The following MTUS2 variants were observed in gnomAD, a reference collection of about 807,000 sequenced individuals.
MTUS2 encodes microtubule-associated tumor suppressor candidate 2.
In MTUS2, 40 loss-of-function variants were observed where a neutral mutation model predicts 114.1. That is an observed-to-expected ratio of 0.35 (90% confidence interval 0.27 to 0.46). The LOEUF is 0.46. Ranked by LOEUF, MTUS2 falls within the 20% of genes least tolerant of loss-of-function variation. The pLI, the probability that MTUS2 is intolerant of heterozygous loss-of-function variation, is 1.00. For synonymous variants in MTUS2, 688 were observed against 672.0 expected (o/e 1.02, Z -0.37); for missense variants, 1,679 against 1,705.4 (o/e 0.98, Z 0.27).
At chr13:29,162,633 A>G (rs1166601471) in intron 5 of MTUS2, among the ~76,000 whole-genome samples, 3 of 152,242 alleles carry the variant, frequency 2.0e-5, no homozygotes, top group Non-Finnish European at 2.9e-5. Context: ...TGGAATAAAC[A>G]TCATGTCCTC....
chr13:29,216,986 A>C (rs1482426461), intron 5 of MTUS2, among the ~76,000 whole-genome samples: 3 of 152,204 alleles, frequency 2.0e-5, no homozygotes, highest in Non-Finnish European at 4.4e-5. Flanking sequence ...TTTTAAACAG[A>C]AGTACTACAA....
At chr13:28,875,331 A>T (rs1297459167) in intron 2 of MTUS2, among the ~76,000 whole-genome samples, 1 of 152,228 alleles carries the variant, frequency 6.6e-6, no homozygotes, top group African/African-American at 2.4e-5. Context: ...TACATAATGG[A>T]TGCTCAGTAA....
At chr13:29,351,973 T>C (rs753637784) in intron 7 of MTUS2, among the ~76,000 whole-genome samples, 3 of 152,174 alleles carry the variant, frequency 2.0e-5, no homozygotes, top group Non-Finnish European at 4.4e-5. Flanking sequence ...TTTTACATTA[T>C]TGATTACTCC....
chr13:29,075,997 C>T (rs931225220), intron 4 of MTUS2, among the ~76,000 whole-genome samples: 1 of 152,158 alleles, frequency 6.6e-6, no homozygotes, highest in African/African-American at 2.4e-5. Flanking sequence ...AAAACTCTAC[C>T]TGGAAATCTG....
intron 8 of MTUS2, among the ~76,000 whole-genome samples, chr13:29,383,252 G>GTATATATAAATATATTTATTTATTTATT (rs1555271591): frequency 7.4e-6 from 1 of 135,916 alleles, no homozygotes; most frequent in Admixed American, 7.4e-5. Flanking sequence ...GTGTGTGTGT[G>GTATATATAAATATATTTATTTATTTATT]TATTTATTTT....
intron 7 of MTUS2, among the ~76,000 whole-genome samples, chr13:29,328,312 A>G (rs1396282317): frequency 6.6e-6 from 1 of 152,272 alleles, no homozygotes; most frequent in East Asian, 1.9e-4. Context: ...AAGTCCTGAT[A>G]AAGTGTGCCT....
intron 6 of MTUS2, among the ~76,000 whole-genome samples, chr13:29,297,325 TTTC>T (rs1447770774): frequency 6.6e-6 from 1 of 152,196 alleles, no homozygotes; most frequent in Non-Finnish European, 1.5e-5. Context: ...ATGAAAGTCG[TTTC>T]TTATTTCCTT....
chr13:29,087,950 T>C (rs950205357), intron 4 of MTUS2, among the ~76,000 whole-genome samples: 1 of 151,594 alleles, frequency 6.6e-6, no homozygotes, highest in African/African-American at 2.4e-5. Context: ...TCCCAGCTAC[T>C]TGGGAGGCTG....
At chr13:29,488,051 T>C (rs1374231841) in intron 11 of MTUS2, 46 bp downstream of exon 11, 1 of 1,420,424 alleles carries the variant, frequency 7.0e-7, no homozygotes, top group African/African-American at 1.4e-5. Flanking sequence ...GGTGGTGCAA[T>C]CCGAGCCTTT....
intron 2 of MTUS2, among the ~76,000 whole-genome samples, chr13:29,023,860 T>G (rs976190967): frequency 1.3e-5 from 2 of 152,204 alleles, no homozygotes; most frequent in African/African-American, 4.8e-5. Flanking sequence ...CTAACTAATA[T>G]CAGGAGTCCG....
At chr13:29,288,297 G>C (rs1898573517) in intron 6 of MTUS2, among the ~76,000 whole-genome samples, 1 of 152,190 alleles carries the variant, frequency 6.6e-6, no homozygotes, top group South Asian at 2.1e-4. Flanking sequence ...AACTGCGATT[G>C]CCACCTTGCT....
intron 5 of MTUS2, among the ~76,000 whole-genome samples, chr13:29,179,762 T>C (rs559884616): frequency 9.3e-4 from 141 of 152,370 alleles, no homozygotes; most frequent in African/African-American, 3.2e-3. Context: ...ACTTATACTT[T>C]GTACCAGCTC....
intron 2 of MTUS2, among the ~76,000 whole-genome samples, chr13:28,909,495 A>G (rs1195007568): frequency 6.6e-6 from 1 of 151,750 alleles, no homozygotes; most frequent in African/African-American, 2.4e-5. Flanking sequence ...TCTGTTTAAA[A>G]CTCTCAATAA....
chr13:29,492,255 T>G (rs1460169815), intron 11 of MTUS2, among the ~76,000 whole-genome samples: 2 of 146,194 alleles, frequency 1.4e-5, no homozygotes, highest in Admixed American at 1.4e-4. Flanking sequence ...GTGTATGTGA[T>G]TGTGTGTGGT....
chr13:29,057,385 A>G (rs1021159828), intron 4 of MTUS2, among the ~76,000 whole-genome samples: 1 of 152,062 alleles, frequency 6.6e-6, no homozygotes, highest in African/African-American at 2.4e-5. Context: ...GTCTAATACT[A>G]TTAGTGGGGT....
chr13:29,030,413 G>A (rs1034193936), intron 3 of MTUS2, among the ~76,000 whole-genome samples: 2 of 152,090 alleles, frequency 1.3e-5, no homozygotes, highest in Non-Finnish European at 2.9e-5. Flanking sequence ...CTGTATCTGG[G>A]GACCATTTTC....
chr13:29,224,911 A>G (rs75793234), intron 5 of MTUS2, among the ~76,000 whole-genome samples: 2,656 of 152,294 alleles, frequency 0.017, 83 homozygotes, highest in African/African-American at 0.06. Context: ...CTCCTGTCCA[A>G]TGATGATATT....
chr13:29,188,124 A>G (rs969736715), intron 5 of MTUS2, among the ~76,000 whole-genome samples: 4 of 152,192 alleles, frequency 2.6e-5, no homozygotes, highest in African/African-American at 9.6e-5. Flanking sequence ...CTGTAATTTT[A>G]TCAAACACCT....
Position 29,501,084 on chromosome 13 carries a change from G to C in MTUS2, c.3799-13G>C. On this transcript the variant is annotated splice_polypyrimidine_tract_variant and intron_variant, in intron 14 of 15. Transcript: ENST00000612955. ...GCCTTGCTAGAACCTCTTAAACACT[G>C]TTTCCTTTGTAGGCAGAAAAGAACA... 2 of 1,612,346 alleles carry C rather than the reference G, an allele frequency of 1.2e-6. No individual in the cohort carries two copies. The highest frequency in any genetic ancestry group is 1.7e-6 in the Non-Finnish European group (2 of 1,178,598).
Sources: gnomAD v4.1 joint callset for allele counts (sites outside exome capture counted in the v4.1 genomes callset) on GRCh38, gnomAD v4.1.1 for gene constraint, MANE v1.5 for transcripts, NCBI Gene and HGNC (gene_info 2026-07-23, HGNC 2026-07-21) for gene names.